Variants in CAMTA1 observed in about 807,000 individuals in gnomAD.
CAMTA1 encodes calmodulin binding transcription activator 1, also known as calmodulin-binding transcription activator 1.
A neutral mutation model predicts 170.9 loss-of-function variants in CAMTA1; 27 were observed. The observed-to-expected ratio is 0.16, with a 90% confidence interval of 0.12 to 0.22. The LOEUF is 0.22. CAMTA1 is among the 10% of genes least tolerant of loss of function. The pLI, the probability that CAMTA1 is intolerant of heterozygous loss-of-function variation, is 1.00. For missense variants in CAMTA1, 1,619 were observed against 2,217.2 expected, an observed-to-expected ratio of 0.73 and a Z score of 5.42; for synonymous variants, 833 against 891.5, an observed-to-expected ratio of 0.93 and a Z score of 1.17.
chr1:6,986,474 TA>T (rs1695382764), intron 3 of CAMTA1, among the ~76,000 whole-genome samples: 1 of 152,038 alleles, frequency 6.6e-6, no homozygotes, highest in African/African-American at 2.4e-5. Context: ...AGCCTTGTCC[TA>T]GGAGAGGATG....
At chr1:7,161,799 G>A (rs1281415244) in intron 4 of CAMTA1, among the ~76,000 whole-genome samples, 1 of 152,226 alleles carries the variant, frequency 6.6e-6, no homozygotes, top group Non-Finnish European at 1.5e-5. Flanking sequence ...CAAGGGTGGA[G>A]TGGTGAAGGA....
At chr1:7,621,581 C>CT (rs2095598605) in intron 6 of CAMTA1, among the ~76,000 whole-genome samples, 1 of 152,222 alleles carries the variant, frequency 6.6e-6, no homozygotes, top group Admixed American at 6.5e-5. Flanking sequence ...TAATAAGAAA[C>CT]TAAGAAATTA....
chr1:7,467,495 T>G (rs2093238397), intron 5 of CAMTA1, among the ~76,000 whole-genome samples: 1 of 152,164 alleles, frequency 6.6e-6, no homozygotes, highest in Non-Finnish European at 1.5e-5. Context: ...AACTACAGAG[T>G]AACTCCAAGC....
chr1:7,575,244 G>A (rs546006265), intron 6 of CAMTA1, among the ~76,000 whole-genome samples: 27 of 152,264 alleles, frequency 1.8e-4, no homozygotes, highest in Non-Finnish European at 2.8e-4. Flanking sequence ...CAAGCCCAAG[G>A]GACTCAGTAG....
Position 7,075,899 on chromosome 1 carries a change from G to A in CAMTA1, c.235-15405G>A, listed in dbSNP as rs187708207. 2.0e-3 allele frequency among the ~76,000 whole-genome samples: 309 copies of A among 152,082 alleles called. 3 individuals are homozygous for A. The highest frequency in any genetic ancestry group is 7.2e-3 in the African/African-American group (299 of 41,488). ...GCTGGTCTTGAACTCCTGATCTCAG[G>A]CGATCCACACACCTCGGCCTCCCAA... On this transcript the variant is annotated intron_variant, in intron 3 of 22. Transcript: ENST00000303635.
chr1:7,742,304 G>A (rs2096824563), intron 16 of CAMTA1, among the ~76,000 whole-genome samples: 1 of 151,904 alleles, frequency 6.6e-6, no homozygotes, highest in South Asian at 2.1e-4. Context: ...AGATCAAGTA[G>A]ATATGAAAAG....
In CAMTA1 at chr1:6,918,371, T is replaced by G. The variant is rs750622134; in HGVS notation, c.234+93161T>G. On this transcript the variant is annotated intron_variant, in intron 3 of 22. Transcript: ENST00000303635. The surrounding 1 kb of genome is among the most constrained non-coding windows in gnomAD (Gnocchi z 4.0). ...ATGAGCAGACAGAGTTTGGGTAATCTATGCAAAGGCCCCTCAGCTGCCCTG... is the reference window on the plus strand; with the variant it reads ...ATGAGCAGACAGAGTTTGGGTAATCGATGCAAAGGCCCCTCAGCTGCCCTG... 8.5e-5 allele frequency among the ~76,000 whole-genome samples: 13 copies of G among 152,332 alleles called. No individual in the cohort carries two copies. The highest frequency in any genetic ancestry group is 1.9e-4 in the Non-Finnish European group (13 of 68,020).
At chr1:7,746,990 C>G (rs2096861734) in intron 18 of CAMTA1, among the ~76,000 whole-genome samples, 1 of 152,160 alleles carries the variant, frequency 6.6e-6, no homozygotes, top group Non-Finnish European at 1.5e-5. Flanking sequence ...TTTATTATTC[C>G]TTAAAACAAA....
At chr1:6,916,976 C>T (rs887032470) in intron 3 of CAMTA1, among the ~76,000 whole-genome samples, 8 of 152,084 alleles carry the variant, frequency 5.3e-5, no homozygotes, top group Non-Finnish European at 1.2e-4. Flanking sequence ...GAAAAGCCCA[C>T]GTAGTCTGTG....
At chr1:7,296,504 A>G (rs1414563088) in intron 5 of CAMTA1, among the ~76,000 whole-genome samples, 5 of 152,206 alleles carry the variant, frequency 3.3e-5, no homozygotes, top group African/African-American at 1.2e-4. Flanking sequence ...CTGGGAATAC[A>G]TTTTGAAGAG....
In CAMTA1 at chr1:7,121,665, G is replaced by C. The variant is rs537350414; in HGVS notation, c.302+30294G>C. ...GGGGTCTCTGGAAAGAACAAGGCAG[G>C]GTTCTGCTCTTCCACTGTGCCTGCT... On this transcript the variant is annotated intron_variant, in intron 4 of 22. Transcript: ENST00000303635. Among the ~76,000 whole-genome samples the C allele has an allele frequency of 2.0e-5, 3 of 152,340 alleles. No homozygotes were observed. In the East Asian group the frequency reaches 5.8e-4, roughly 29 times the overall value.
rs1674549058 is a variant in CAMTA1 at position 7,300,127 on chromosome 1, T to C, written c.438+50501T>C. ...TTGAGATAGCATTCTTAAAAAAAAA[T>C]TCCCTTCGCAATAAAGCACCAGATT... On this transcript the variant is annotated intron_variant, in intron 5 of 22. Coordinates refer to ENST00000303635, the MANE Select transcript of CAMTA1 (RefSeq NM_015215.4). The surrounding 1 kb of genome is among the most constrained non-coding windows in gnomAD (Gnocchi z 4.1). Among the ~76,000 whole-genome samples the C allele has an allele frequency of 6.6e-6, 1 of 152,154 alleles. No homozygotes were observed. Among genetic ancestry groups the C allele is most frequent in the African/African-American group, 2.4e-5 (1 of 41,434 alleles).
rs1421784041 is a variant in CAMTA1 at position 7,681,425 on chromosome 1, G to A, written c.2914+3692G>A. On this transcript the variant is annotated intron_variant, in intron 11 of 22. Transcript: ENST00000303635. The surrounding 1 kb of genome is among the most constrained non-coding windows in gnomAD (Gnocchi z 4.6). ...AAGGGTGGCAGGAGAGGGAATGAGCGGCTGCCTTTAACCCAGGGTCTTCGG... is the reference window on the plus strand; with the variant it reads ...AAGGGTGGCAGGAGAGGGAATGAGCAGCTGCCTTTAACCCAGGGTCTTCGG... 1.3e-5 allele frequency among the ~76,000 whole-genome samples: 2 copies of A among 152,150 alleles called. No homozygotes were observed. The highest frequency in any genetic ancestry group is 2.9e-5 in the Non-Finnish European group (2 of 68,024).
intron 3 of CAMTA1, among the ~76,000 whole-genome samples, chr1:6,867,457 T>C (rs573844049): frequency 1.3e-5 from 2 of 152,204 alleles, no homozygotes; most frequent in South Asian, 4.2e-4. Flanking sequence ...ACAGGAAATA[T>C]ATTTTCGGAA....
chr1:7,288,794 C>T (rs1006822280), intron 5 of CAMTA1, among the ~76,000 whole-genome samples: 2 of 152,200 alleles, frequency 1.3e-5, no homozygotes, highest in Admixed American at 1.3e-4. Context: ...CTGCAGCCAG[C>T]ACAGGCGGCT....
chr1:7,656,238 A>C (rs1276988268), intron 7 of CAMTA1, among the ~76,000 whole-genome samples: 1 of 152,242 alleles, frequency 6.6e-6, no homozygotes, highest in Non-Finnish European at 1.5e-5. Flanking sequence ...GGCTTAAACA[A>C]CAGAAATTGA....
intron 5 of CAMTA1, among the ~76,000 whole-genome samples, chr1:7,309,452 A>G (rs1286748061): frequency 3.3e-5 from 5 of 151,720 alleles, no homozygotes; most frequent in African/African-American, 7.2e-5. Context: ...GGCGCCCGCC[A>G]CTACGCCCGG....
At chr1:7,295,279 C>T (rs1673767812) in intron 5 of CAMTA1, among the ~76,000 whole-genome samples, 1 of 152,140 alleles carries the variant, frequency 6.6e-6, no homozygotes, top group African/African-American at 2.4e-5. Context: ...TGTCATGGGA[C>T]CCATTCCGGC....
rs960642874 is a variant in CAMTA1, at chr1:7,455,472, A to C, written c.439-12358A>C. 6.6e-6 allele frequency among the ~76,000 whole-genome samples: 1 copy of C among 152,110 alleles called. No homozygotes were observed. Among genetic ancestry groups the C allele is most frequent in the Non-Finnish European group, 1.5e-5 (1 of 68,020 alleles). On this transcript the variant is annotated intron_variant, in intron 5 of 22. Coordinates refer to ENST00000303635, the MANE Select transcript of CAMTA1 (RefSeq NM_015215.4). This position sits in a 1 kb window ranked among gnomAD's most constrained non-coding sequence, Gnocchi z 5.0. ...GATGAAAGCTGGTTTCAGGAATCCA[A>C]CTCCTCTTAATGTCCTGGCAGACAG...
Sources: allele counts gnomAD v4.1 joint callset (sites outside exome capture counted in the v4.1 genomes callset), GRCh38; gene constraint gnomAD v4.1.1; non-coding constraint Gnocchi (gnomAD v3.1); transcripts MANE v1.5; gene names NCBI Gene and HGNC (gene_info 2026-07-23, HGNC 2026-07-21).